Variants in ZNF644 observed in about 807,000 individuals in gnomAD.
The protein encoded by ZNF644 is zinc finger protein 644.
A neutral mutation model predicts 108.0 loss-of-function variants in ZNF644; 20 were observed. The ratio of observed to expected loss-of-function variants is 0.19; its 90% CI spans 0.13 to 0.27. The LOEUF is 0.27. ZNF644 is among the 10% of genes least tolerant of loss of function. ZNF644 has a pLI of 1.00. For synonymous variants in ZNF644, 542 were observed against 539.1 expected (o/e 1.01, Z -0.08); for missense variants, 1,338 against 1,548.9 (o/e 0.86, Z 2.29).
chr1:90,929,934 T>C (rs1650530955), intron 4 of ZNF644, among the ~76,000 whole-genome samples: 1 of 152,254 alleles, frequency 6.6e-6, no homozygotes. Flanking sequence ...ATAATTATGA[T>C]GGATAAGTCA....
At position 90,940,392 on chromosome 1, in the gene ZNF644, T is replaced by C. The variant is rs779774851; in HGVS notation, c.962A>G (p.Gln321Arg). Reference sequence around the variant, plus strand: ...ATTTTGTTCTAGAAAGTCTACTTCTTGCATTTTTGATTTATTGGGTACACA... The same window carrying C: ...ATTTTGTTCTAGAAAGTCTACTTCTCGCATTTTTGATTTATTGGGTACACA... ...SNCVPNKSKM[Q>R]EVDFLEQNEE... Residue 321 changes from glutamine to arginine, a missense_variant, in exon 3 of 6, where the codon CAA (glutamine) becomes CGA (arginine). Around this residue, in one of 6 missense-constraint regions of ZNF644, gnomAD observed 464 missense variants for 457.9 expected, o/e 1.01. Coordinates refer to ENST00000337393, the MANE Select transcript of ZNF644 (RefSeq NM_201269.3). 1.6e-5 allele frequency: 26 copies of C among 1,613,726 alleles called. No homozygotes were observed. In the South Asian group the frequency reaches 2.7e-4, roughly 17 times the overall value.
intron 2 of ZNF644, among the ~76,000 whole-genome samples, chr1:90,964,309 T>C (rs1410102720): frequency 6.6e-6 from 1 of 152,148 alleles, no homozygotes; most frequent in African/African-American, 2.4e-5. Flanking sequence ...AAGTTGAAGA[T>C]GTTTGTTTCT....
intron 1 of ZNF644, among the ~76,000 whole-genome samples, chr1:91,002,338 C>T (rs369034715): frequency 1.3e-5 from 2 of 151,990 alleles, no homozygotes; most frequent in African/African-American, 2.4e-5. Flanking sequence ...GAGATATAGA[C>T]CAATGGAACA....
chr1:90,992,234 G>A (rs896502082), intron 1 of ZNF644, among the ~76,000 whole-genome samples: 11 of 152,136 alleles, frequency 7.2e-5, no homozygotes, highest in East Asian at 3.9e-4. Flanking sequence ...ATATACAGAC[G>A]TCAAATCTGT....
chr1:90,964,427 C>T (rs1654634946), intron 2 of ZNF644, among the ~76,000 whole-genome samples: 3 of 151,984 alleles, frequency 2.0e-5, no homozygotes, highest in Admixed American at 2.0e-4. Flanking sequence ...TATATACTTC[C>T]CTACCCAACA....
intron 4 of ZNF644, among the ~76,000 whole-genome samples, chr1:90,930,326 G>T (rs181625195): frequency 2.6e-5 from 4 of 152,266 alleles, no homozygotes; most frequent in Admixed American, 6.5e-5. Context: ...ATAATGAAAT[G>T]AAGCCCCTCC....
intron 4 of ZNF644, among the ~76,000 whole-genome samples, chr1:90,928,387 G>A (rs370393354): frequency 1.4e-5 from 2 of 145,558 alleles, no homozygotes; most frequent in African/African-American, 2.6e-5. Context: ...GCACAATCTC[G>A]GCTCACTGCA....
chr1:90,984,724 T>C (rs983786718), intron 1 of ZNF644, among the ~76,000 whole-genome samples: 4 of 152,120 alleles, frequency 2.6e-5, no homozygotes, highest in African/African-American at 9.7e-5. Flanking sequence ...ATACAAGGTA[T>C]GCACACACAG....
chr1:90,937,455 T>C, intron 4 of ZNF644, 30 bp downstream of exon 4: 3 of 1,613,294 alleles, frequency 1.9e-6, no homozygotes, highest in Non-Finnish European at 2.5e-6. Context: ...ATTTAAACTG[T>C]GTATAGCATA....
chr1:90,935,480 T>C, intron 4 of ZNF644: 1 of 985,868 alleles, frequency 1.0e-6, no homozygotes, highest in Non-Finnish European at 1.2e-6. Context: ...CTAACAGCAC[T>C]TGTAAACGTC....
chr1:90,926,335 C>A (rs896097991), intron 4 of ZNF644, among the ~76,000 whole-genome samples: 1 of 152,070 alleles, frequency 6.6e-6, no homozygotes, highest in African/African-American at 2.4e-5. Context: ...GTGTGCACCC[C>A]CTCATGAATA....
At chr1:90,921,628 T>C (rs1475385834) in intron 4 of ZNF644, among the ~76,000 whole-genome samples, 2 of 152,176 alleles carry the variant, frequency 1.3e-5, no homozygotes, top group East Asian at 1.9e-4. Context: ...AAGTGATCAA[T>C]TTCAACCAAA....
rs542507719 is a variant in ZNF644 at position 90,983,023 on chromosome 1, A to G, written c.-17-653T>C. ...TGCATTTGCCAAAAATATATCCACC[A>G]TTACTAATTTTACCATATTTCAGAA... is the stretch of plus-strand genomic sequence containing the variant. On this transcript the variant is annotated intron_variant, in intron 1 of 5. Coordinates refer to ENST00000337393, the MANE Select transcript of ZNF644 (RefSeq NM_201269.3). 5.9e-5 allele frequency among the ~76,000 whole-genome samples: 9 copies of G among 152,116 alleles called. No individual in the cohort carries two copies. The East Asian group carries it at 1.7e-3, about 29-fold the overall frequency.
At chr1:90,994,512 T>C (rs1176359969) in intron 1 of ZNF644, among the ~76,000 whole-genome samples, 1 of 152,060 alleles carries the variant, frequency 6.6e-6, no homozygotes, top group East Asian at 1.9e-4. Flanking sequence ...CCCAAATAAT[T>C]GGATGACTGA....
intron 2 of ZNF644, among the ~76,000 whole-genome samples, chr1:90,970,670 A>T (rs1655357532): frequency 6.6e-6 from 1 of 152,202 alleles, no homozygotes; most frequent in African/African-American, 2.4e-5. Context: ...TCTAGAGTTC[A>T]GATATCATAT....
chr1:90,991,560 G>T (rs1041440430), intron 1 of ZNF644, among the ~76,000 whole-genome samples: 1 of 152,162 alleles, frequency 6.6e-6, no homozygotes, highest in African/African-American at 2.4e-5. Flanking sequence ...TCACAGTTCC[G>T]CAGGCTGTAC....
At position 90,997,797 on chromosome 1, in the gene ZNF644, C is replaced by G. The variant is rs575028732; in HGVS notation, c.-17-15427G>C. ...TCAGGGAATTAATTCCCTTTCCAAG[C>G]AAAGGGAAGCTGTGACAGACGGCAT... On this transcript the variant is annotated intron_variant, in intron 1 of 5. Transcript: ENST00000337393. Among the ~76,000 whole-genome samples, 154 of 152,300 alleles carry G rather than the reference C, an allele frequency of 1.0e-3. 1 individual carries two copies. Among genetic ancestry groups the G allele is most frequent in the African/African-American group, 3.5e-3 (147 of 41,560 alleles).
At chr1:90,971,427 T>C (rs911683430) in intron 2 of ZNF644, among the ~76,000 whole-genome samples, 3 of 152,124 alleles carry the variant, frequency 2.0e-5, no homozygotes, top group Non-Finnish European at 4.4e-5. Context: ...TTCTTTCTTT[T>C]TTTTTGGTGG....
At chr1:90,997,920 G>C (rs2101640810) in intron 1 of ZNF644, among the ~76,000 whole-genome samples, 1 of 152,318 alleles carries the variant, frequency 6.6e-6, no homozygotes, top group Middle Eastern at 3.4e-3. Context: ...GGCTTGGAGG[G>C]TCCCACGCCC....
Sources: allele counts gnomAD v4.1 joint callset (sites outside exome capture counted in the v4.1 genomes callset), GRCh38; gene constraint gnomAD v4.1.1; regional missense constraint gnomAD v4.1.1; transcripts MANE v1.5; gene names NCBI Gene and HGNC (gene_info 2026-07-23, HGNC 2026-07-21).